The following LPA variants were observed in gnomAD, a reference collection of about 807,000 sequenced individuals.
LPA encodes the protein apolipoprotein(a).
A neutral mutation model predicts 197.9 loss-of-function variants in LPA; 199 were observed. The observed-to-expected ratio is 1.01, with a 90% CI of 0.90 to 1.13. The LOEUF (loss-of-function observed/expected upper bound fraction) is 1.13. LPA is among the 50% of genes most tolerant of loss of function. LPA has a pLI of 0.00. For synonymous variants in LPA, 715 were observed against 639.5 expected, an observed-to-expected ratio of 1.12 and a Z score of -1.78; for missense variants, 1,853 against 1,785.8, an observed-to-expected ratio of 1.04 and a Z score of -0.68.
rs1491299568 is a variant in LPA, at chr6:160,654,080, ATT to A, written c.50-3585_50-3584del. ...ATTATATATATTATATATAATATAT[ATT>A]ATATATATTATATATAATATAATAT... On this transcript the variant is annotated intron_variant, in intron 1 of 38. Coordinates refer to ENST00000316300, the MANE Select transcript of LPA (RefSeq NM_005577.4). 3.5e-4 allele frequency among the ~76,000 whole-genome samples: 15 copies of A among 42,992 alleles called. No individual in the cohort carries two copies. The East Asian group carries it at 5.0e-3, about 14-fold the overall frequency. 28.2% of individuals were successfully genotyped at this position (42,992 alleles called of 152,430 possible).
At chr6:160,610,133 T>C (rs1329685824) in intron 16 of LPA, among the ~76,000 whole-genome samples, 2 of 152,158 alleles carry the variant, frequency 1.3e-5, no homozygotes, top group African/African-American at 4.8e-5. Context: ...TATTGCCTGA[T>C]TTATTTTCTG....
chr6:160,560,531 T>C (rs1778343031), intron 28 of LPA, among the ~76,000 whole-genome samples: 1 of 152,230 alleles, frequency 6.6e-6, no homozygotes, highest in Non-Finnish European at 1.5e-5. Flanking sequence ...TTTGCATTTC[T>C]CTAATTAACA....
In LPA at chr6:160,586,597, A is replaced by G. The variant is rs776208420; in HGVS notation, c.3981T>C (p.Asp1327=). The G allele has an allele frequency of 1.5e-5, 24 of 1,613,674 alleles. No homozygotes were observed. The highest frequency in any genetic ancestry group is 2.2e-5 in the South Asian group (2 of 91,088). ...TATAACACCAAGGGCGAATCTCAGCATCTGGATTCCTGCAGTAGTTCCTGG... is the reference window on the plus strand; with the variant it reads ...TATAACACCAAGGGCGAATCTCAGCGTCTGGATTCCTGCAGTAGTTCCTGG... ...GLTRNYCRNP[D]AEIRPWCYTM... Residue 1327 remains aspartate (D), a synonymous_variant, in exon 25 of 39, where the codon GAT becomes GAC. Transcript: ENST00000316300.
intron 25 of LPA, among the ~76,000 whole-genome samples, chr6:160,585,871 T>C (rs1399875977): frequency 6.6e-6 from 1 of 152,114 alleles, no homozygotes; most frequent in African/African-American, 2.4e-5. Flanking sequence ...GAAGCAGGGA[T>C]GAGAACACTG....
intron 1 of LPA, among the ~76,000 whole-genome samples, chr6:160,657,398 C>CTA (rs372119904): frequency 7.4e-6 from 1 of 134,652 alleles, no homozygotes; most frequent in East Asian, 2.2e-4. Context: ...ACTATTATAA[C>CTA]TTTTTTTTTT....
chr6:160,568,979 A>G (rs1303738338), intron 28 of LPA, among the ~76,000 whole-genome samples: 1 of 152,216 alleles, frequency 6.6e-6, no homozygotes, highest in African/African-American at 2.4e-5. Context: ...AATGAAATAA[A>G]AGAGGACACA....
At chr6:160,572,813 T>G (rs1778586868) in intron 28 of LPA, among the ~76,000 whole-genome samples, 1 of 152,232 alleles carries the variant, frequency 6.6e-6, no homozygotes, top group South Asian at 2.1e-4. Context: ...CATTACCTGG[T>G]GCTTCTGTCT....
At chr6:160,557,335 A>G in intron 29 of LPA, 55 bp downstream of exon 29, 3 of 1,593,528 alleles carry the variant, frequency 1.9e-6, no homozygotes, top group South Asian at 2.2e-5. Context: ...CAGATTTTCC[A>G]TCTCTTTTCA....
chr6:160,584,216 TTCTTCTTCTTCTTCTTCTTCTTCCTCC>T (rs759085252), intron 26 of LPA, among the ~76,000 whole-genome samples: 14 of 122,378 alleles, frequency 1.1e-4, no homozygotes, highest in East Asian at 6.4e-4. Context: ...CTTCTTCTTC[TTCTTCTTCTTCTTCTTCTTCTTCCTCC>T]TCCTCCTCCT....
Position 160,584,392 on chromosome 6 carries a change from C to A in LPA, c.4289+654G>T, listed in dbSNP as rs188408550. Among the ~76,000 whole-genome samples, 117 of 146,008 alleles carry A rather than the reference C, an allele frequency of 8.0e-4. 1 individual carries two copies. Among genetic ancestry groups the A allele is most frequent in the Middle Eastern group, 7.2e-3 (2 of 276 alleles). ...TGTCACCCAGGCTGGAGTGCAGTGG[C>A]ATGTTCTCGGCTCACAGCAAACTCT... On this transcript the variant is annotated intron_variant, in intron 26 of 38. Transcript: ENST00000316300.
chr6:160,570,825 G>A (rs1416326911), intron 28 of LPA, among the ~76,000 whole-genome samples: 1 of 152,090 alleles, frequency 6.6e-6, no homozygotes, highest in African/African-American at 2.4e-5. Flanking sequence ...TCTTCAGGTT[G>A]CTCTTCTTGA....
chr6:160,572,248 T>C (rs948352269), intron 28 of LPA, among the ~76,000 whole-genome samples: 1 of 152,120 alleles, frequency 6.6e-6, no homozygotes, highest in African/African-American at 2.4e-5. Flanking sequence ...GGTACCTTGG[T>C]TGGAAATGCA....
At chr6:160,573,939 G>A (rs1778608310) in intron 28 of LPA, among the ~76,000 whole-genome samples, 1 of 152,108 alleles carries the variant, frequency 6.6e-6, no homozygotes, top group African/African-American at 2.4e-5. Flanking sequence ...GGGACTAGAG[G>A]TGGGTGGGCC....
At chr6:160,591,501 T>C (rs1779029382) in intron 22 of LPA, among the ~76,000 whole-genome samples, 1 of 152,242 alleles carries the variant, frequency 6.6e-6, no homozygotes. Context: ...TGTCTTTCTA[T>C]AGGAGTACCC....
intron 18 of LPA, among the ~76,000 whole-genome samples, chr6:160,602,016 T>C (rs917866511): frequency 3.9e-5 from 6 of 152,144 alleles, no homozygotes; most frequent in Non-Finnish European, 8.8e-5. Context: ...CCTAAGAACA[T>C]TGCTCCAACC....
At position 160,586,448 on chromosome 6, in the gene LPA, C is replaced by A; in HGVS notation, c.4129+1G>T. The A allele has an allele frequency of 4.3e-6, 7 of 1,613,478 alleles. No homozygotes were observed. The highest frequency in any genetic ancestry group is 5.9e-6 in the Non-Finnish European group (7 of 1,179,526). ...TGGTTGTCTGACTGCAGGCTTCTTA[C>A]CTTCTTCAGAAGGAAGCTCTGTGCT... On this transcript the variant is annotated splice_donor_variant, in intron 25 of 38. Coordinates refer to ENST00000316300, the MANE Select transcript of LPA (RefSeq NM_005577.4). LOFTEE classifies it high-confidence loss of function.
At chr6:160,551,148 A>G (rs1029622539) in intron 30 of LPA, among the ~76,000 whole-genome samples, 2 of 152,298 alleles carry the variant, frequency 1.3e-5, no homozygotes, top group Middle Eastern at 3.4e-3. Flanking sequence ...ATCATTTTGC[A>G]CTTTCACCAG....
rs769952378 is a variant in LPA at position 160,600,944 on chromosome 6, G to A, written c.3100C>T (p.Pro1034Ser). 2 of 1,612,928 alleles carry A rather than the reference G, an allele frequency of 1.2e-6. No individual in the cohort carries two copies. Among genetic ancestry groups the A allele is most frequent in the East Asian group, 2.2e-5 (1 of 44,862 alleles). ...AFVPPNVILA[P>S]SLEAFFEQAL... ...TGTTCAAAAAAAGCCTCTAGGCTTG[G>A]AGCCAGAATAACATTCGGAGGGACG... The change falls in exon 19 of 39, where the codon CCA becomes TCA. Residue 1034 changes from proline to serine, a missense_variant. By Grantham distance (74) the Pro-to-Ser change is moderately conservative. Coordinates refer to ENST00000316300, the MANE Select transcript of LPA (RefSeq NM_005577.4).
At chr6:160,532,691 G>T in intron 37 of LPA, 42 bp from the exon 38 acceptor site, 1 of 1,315,480 alleles carries the variant, frequency 7.6e-7, no homozygotes. Context: ...TGAGGCCAAA[G>T]CTTGTTCACG....
Sources: gnomAD v4.1 joint callset for allele counts (sites outside exome capture counted in the v4.1 genomes callset) on GRCh38, gnomAD v4.1.1 for gene constraint, MANE v1.5 for transcripts, NCBI Gene and HGNC (gene_info 2026-07-23, HGNC 2026-07-21) for gene names.